Variants in CEP128 observed in about 807,000 individuals in gnomAD.
CEP128 encodes the protein centrosomal protein 128, also known as centrosomal protein 128kDa.
In CEP128, 132 loss-of-function variants were observed where a neutral mutation model predicts 156.7. The ratio of observed to expected loss-of-function variants is 0.84; its 90% CI spans 0.73 to 0.97. The LOEUF is 0.97. Among genes scored for constraint, CEP128 ranks in the 50% least tolerant of loss-of-function variants. The pLI is 0.00. For missense variants in CEP128, 1,252 were observed against 1,281.9 expected (o/e 0.98, Z 0.36); for synonymous variants, 469 against 448.9 (o/e 1.04, Z -0.57).
intron 19 of CEP128, among the ~76,000 whole-genome samples, chr14:80,621,632 G>A (rs1039910164): frequency 3.9e-5 from 6 of 152,018 alleles, no homozygotes; most frequent in Non-Finnish European, 7.4e-5. Flanking sequence ...GACTAAAAAG[G>A]GGGTACGGTC....
intron 8 of CEP128, among the ~76,000 whole-genome samples, chr14:80,890,647 G>GGAGAC (rs934225658): frequency 5.3e-5 from 8 of 152,068 alleles, no homozygotes; most frequent in Admixed American, 2.6e-4. Flanking sequence ...GCAAGCAGAG[G>GGAGAC]GAGAGCATTA....
intron 8 of CEP128, among the ~76,000 whole-genome samples, chr14:80,874,242 C>G (rs913494835): frequency 6.6e-6 from 1 of 151,942 alleles, no homozygotes; most frequent in Non-Finnish European, 1.5e-5. Context: ...GGCAGGCTGA[C>G]CATCTGAGGT....
chr14:80,797,688 T>A, intron 13 of CEP128, among the ~76,000 whole-genome samples: 1 of 152,102 alleles, frequency 6.6e-6, no homozygotes, highest in Non-Finnish European at 1.5e-5. Flanking sequence ...TACAGAACCC[T>A]CATATCAATT....
chr14:80,501,387 T>C (rs1047293843), intron 24 of CEP128, among the ~76,000 whole-genome samples: 3 of 152,220 alleles, frequency 2.0e-5, no homozygotes, highest in African/African-American at 7.2e-5. Context: ...GGATAATTGT[T>C]CAATGACTTC....
At chr14:80,508,678 C>T (rs1437431446) in intron 23 of CEP128, among the ~76,000 whole-genome samples, 1 of 152,010 alleles carries the variant, frequency 6.6e-6, no homozygotes, top group Middle Eastern at 3.2e-3. Context: ...CATTTTAAGG[C>T]TTTTAAAAAT....
At chr14:80,507,894 T>G (rs1888053774) in intron 23 of CEP128, among the ~76,000 whole-genome samples, 1 of 152,216 alleles carries the variant, frequency 6.6e-6, no homozygotes, top group African/African-American at 2.4e-5. Flanking sequence ...ATTTTCTATT[T>G]AGGGAAAAAT....
intron 16 of CEP128, among the ~76,000 whole-genome samples, chr14:80,763,937 A>G (rs1306275694): frequency 6.6e-6 from 1 of 152,180 alleles, no homozygotes; most frequent in Non-Finnish European, 1.5e-5. Flanking sequence ...AATAAAGAAA[A>G]TAAATACCCT....
At chr14:80,570,084 GC>G (rs1488453987) in intron 20 of CEP128, among the ~76,000 whole-genome samples, 11 of 152,106 alleles carry the variant, frequency 7.2e-5, no homozygotes, top group African/African-American at 2.7e-4. Context: ...AAGTTTAATT[GC>G]CAAAACTGCA....
intron 19 of CEP128, among the ~76,000 whole-genome samples, chr14:80,741,648 T>G (rs1307059655): frequency 2.0e-5 from 3 of 152,138 alleles, no homozygotes; most frequent in Non-Finnish European, 4.4e-5. Context: ...ATATTAACTC[T>G]GAGATGGCAT....
intron 21 of CEP128, among the ~76,000 whole-genome samples, chr14:80,547,547 C>T (rs1467800355): frequency 1.3e-5 from 2 of 152,114 alleles, no homozygotes. Flanking sequence ...GGGGTATTGA[C>T]AAGGATTTCT....
intron 14 of CEP128, among the ~76,000 whole-genome samples, chr14:80,788,340 C>T (rs1049896198): frequency 4.7e-5 from 6 of 128,970 alleles, no homozygotes; most frequent in Non-Finnish European, 7.9e-5. Flanking sequence ...TGTGCTTGCA[C>T]TAATTTCAGT....
intron 9 of CEP128, among the ~76,000 whole-genome samples, chr14:80,845,572 G>A (rs1181952214): frequency 6.6e-6 from 1 of 152,122 alleles, no homozygotes; most frequent in Non-Finnish European, 1.5e-5. Flanking sequence ...GAAGATCATA[G>A]ATAATTATGG....
intron 13 of CEP128, among the ~76,000 whole-genome samples, chr14:80,801,661 G>A (rs1883862788): frequency 6.6e-6 from 1 of 151,790 alleles, no homozygotes; most frequent in Non-Finnish European, 1.5e-5. Context: ...GTAATTCCAG[G>A]ACTTTAGGAG....
chr14:80,762,054 A>G (rs1047996938), intron 16 of CEP128, among the ~76,000 whole-genome samples: 2 of 152,150 alleles, frequency 1.3e-5, no homozygotes, highest in African/African-American at 4.8e-5. Context: ...AATAAGTGTT[A>G]CCACCTTTAT....
intron 6 of CEP128, among the ~76,000 whole-genome samples, chr14:80,904,384 G>A (rs1352580759): frequency 6.6e-6 from 1 of 152,020 alleles, no homozygotes; most frequent in Non-Finnish European, 1.5e-5. Context: ...TGATCAAACA[G>A]TCCAAAGTTT....
intron 2 of CEP128, among the ~76,000 whole-genome samples, chr14:80,926,606 T>C (rs1025953449): frequency 6.6e-6 from 1 of 152,186 alleles, no homozygotes; most frequent in Non-Finnish European, 1.5e-5. Context: ...GACTTTTGCA[T>C]GCTCCATGGC....
In CEP128 at chr14:80,857,122, A is replaced by G. The variant is rs550615592; in HGVS notation, c.762+5635T>C. ...ATGTATATGAAATAGCCAGTAAAAA[A>G]TGAGTCAGGAGTTTCCAGGATGCAA... On this transcript the variant is annotated intron_variant, in intron 9 of 24. Transcript: ENST00000555265. 3.3e-5 allele frequency among the ~76,000 whole-genome samples: 5 copies of G among 152,182 alleles called. No homozygotes were observed. In the South Asian group the frequency reaches 8.3e-4, roughly 25 times the overall value.
At chr14:80,864,761 C>G (rs1026957058) in intron 8 of CEP128, among the ~76,000 whole-genome samples, 1 of 151,988 alleles carries the variant, frequency 6.6e-6, no homozygotes, top group Admixed American at 6.6e-5. Context: ...TTCACCATGT[C>G]GGCCAGGATG....
At chr14:80,953,653 G>C (rs1886518716) in intron 2 of CEP128, among the ~76,000 whole-genome samples, 1 of 152,108 alleles carries the variant, frequency 6.6e-6, no homozygotes, top group African/African-American at 2.4e-5. Flanking sequence ...ATTCAAGGTG[G>C]GTTTAACATT....
Sources: gnomAD v4.1 joint callset for allele counts (sites outside exome capture counted in the v4.1 genomes callset) on GRCh38, gnomAD v4.1.1 for gene constraint, MANE v1.5 for transcripts, NCBI Gene and HGNC (gene_info 2026-07-23, HGNC 2026-07-21) for gene names.